Variants in INTS4 observed in about 807,000 individuals in gnomAD.
INTS4 encodes integrator complex subunit 4.
A neutral mutation model predicts 119.5 loss-of-function variants in INTS4; 70 were observed. That is an observed-to-expected ratio of 0.59 (90% CI 0.48 to 0.71). The LOEUF is 0.71. Ranked by LOEUF, INTS4 falls within the 30% of genes least tolerant of loss-of-function variation. The pLI, the probability that INTS4 is intolerant of heterozygous loss-of-function variation, is 0.00. For synonymous variants in INTS4, 316 were observed against 419.6 expected, an observed-to-expected ratio of 0.75 and a Z score of 3.02; for missense variants, 867 against 1,173.2, an observed-to-expected ratio of 0.74 and a Z score of 3.81.
In INTS4 at chr11:77,891,860, C is replaced by T. The variant is rs373469431; in HGVS notation, c.2289-20G>A. The T allele has an allele frequency of 2.8e-5, 45 of 1,610,192 alleles. No homozygotes were observed. The highest frequency in any genetic ancestry group is 3.6e-5 in the Non-Finnish European group (43 of 1,178,604). ...AAATACCTGGAGGAACAAACAGAAG[C>T]AACTGACTCATTCAACTGTGCACTC... is the stretch of plus-strand genomic sequence containing the variant. On this transcript the variant is annotated intron_variant, in intron 19 of 22. Transcript: ENST00000534064.
At chr11:77,978,405 T>C (rs1489109446) in intron 4 of INTS4, 1 of 152,252 alleles carries the variant, frequency 6.6e-6, no homozygotes, top group Admixed American at 6.5e-5. Context: ...TACAGGGTTC[T>C]AGGGGTTGCT....
At chr11:77,913,314 T>G (rs1953129849) in intron 15 of INTS4, among the ~76,000 whole-genome samples, 1 of 147,672 alleles carries the variant, frequency 6.8e-6, no homozygotes, top group Admixed American at 6.7e-5. Flanking sequence ...TAAATTTTTT[T>G]TTTTTTTTTT....
intron 10 of INTS4, among the ~76,000 whole-genome samples, chr11:77,932,012 T>C (rs1055794901): frequency 2.9e-4 from 44 of 152,282 alleles, no homozygotes; most frequent in Admixed American, 2.5e-3. Context: ...GGCAATACCA[T>C]TCAGGACATA....
In INTS4 at chr11:77,890,223, G is replaced by T. The variant is rs146958398; in HGVS notation, c.2592+1096C>A. On this transcript the variant is annotated intron_variant, in intron 21 of 22. Coordinates refer to ENST00000534064, the MANE Select transcript of INTS4 (RefSeq NM_033547.4). ...CTAGCTCAGAACTAGTTCTCTGCAG[G>T]TCTCATAATTTTTAATAATTCCTGC... 8.5e-3 allele frequency among the ~76,000 whole-genome samples: 1,289 copies of T among 152,248 alleles called. 19 individuals carry two copies. Among genetic ancestry groups the T allele is most frequent in the African/African-American group, 0.028 (1,177 of 41,538 alleles).
At chr11:77,983,849 A>C (rs758739322) in intron 2 of INTS4, among the ~76,000 whole-genome samples, 1 of 152,184 alleles carries the variant, frequency 6.6e-6, no homozygotes, top group Non-Finnish European at 1.5e-5. Context: ...TAATAATAGA[A>C]TTACATATGA....
intron 21 of INTS4, among the ~76,000 whole-genome samples, chr11:77,886,438 C>T (rs1214297534): frequency 6.6e-6 from 1 of 151,296 alleles, no homozygotes; most frequent in Non-Finnish European, 1.5e-5. Context: ...ATCGCGAAGG[C>T]CCGCGGCGGG....
chr11:77,922,228 CAAAAAAAA>C lies in INTS4; in HGVS notation c.1630+120_1630+127del, dbSNP rs59175717. Reference sequence around the variant, plus strand: ...GGGTGACAGAATGAGACTCTGTCTTCAAAAAAAAAAAAAAAAAAGAAAGAAAAGCAAAG... The same window carrying C: ...GGGTGACAGAATGAGACTCTGTCTTCAAAAAAAAAAGAAAGAAAAGCAAAG... On this transcript the variant is annotated intron_variant, in intron 13 of 22. Coordinates refer to ENST00000534064, the MANE Select transcript of INTS4 (RefSeq NM_033547.4). The C allele has an allele frequency of 8.6e-6, 9 of 1,041,728 alleles. No homozygotes were observed. The South Asian group carries it at 1.3e-4, about 15-fold the overall frequency. The allele number at this position is 1,041,728 out of a possible 1,614,324, so 64.5% of individuals were successfully genotyped here. A position where few individuals can be genotyped will look rare whatever the true frequency, so the allele number is the denominator to read the frequency against.
In INTS4 at chr11:77,908,835, A is replaced by G. The variant is rs577136211; in HGVS notation, c.1923-1025T>C. Among the ~76,000 whole-genome samples, 9 of 133,016 alleles carry G rather than the reference A, an allele frequency of 6.8e-5. No homozygotes were observed. The South Asian group carries it at 2.0e-3, about 29-fold the overall frequency. 87.3% of individuals were successfully genotyped at this position (133,016 alleles called of 152,430 possible). On this transcript the variant is annotated intron_variant, in intron 15 of 22. Transcript: ENST00000534064. ...AAGTATTTTTTTGTATCAGAAAAAA[A>G]CATTATTTTTTAAAAGGTATTATGG...
intron 4 of INTS4, among the ~76,000 whole-genome samples, chr11:77,961,569 A>G (rs1481621135): frequency 2.0e-5 from 3 of 152,220 alleles, no homozygotes; most frequent in African/African-American, 7.2e-5. Context: ...ATACACATAT[A>G]TAACAAGCAC....
chr11:77,986,910 A>C (rs1856482145), intron 2 of INTS4: 1 of 152,224 alleles, frequency 6.6e-6, no homozygotes, highest in South Asian at 2.1e-4. Flanking sequence ...TGGGTGCAGC[A>C]AGCCAACATG....
At chr11:77,938,550 G>C in intron 10 of INTS4, 101 bp downstream of exon 10, 1 of 1,479,996 alleles carries the variant, frequency 6.8e-7, no homozygotes, top group South Asian at 1.5e-5. Context: ...CAGAGTTACT[G>C]TGAGGACTAA....
At chr11:77,899,072 C>G (rs1469118900) in intron 18 of INTS4, among the ~76,000 whole-genome samples, 1 of 152,012 alleles carries the variant, frequency 6.6e-6, no homozygotes, top group African/African-American at 2.4e-5. Flanking sequence ...AATTCAATAA[C>G]CCTTACAATA....
intron 7 of INTS4, among the ~76,000 whole-genome samples, chr11:77,956,402 C>T (rs987254007): frequency 6.6e-6 from 1 of 152,076 alleles, no homozygotes; most frequent in Non-Finnish European, 1.5e-5. Context: ...CACAGCAAGA[C>T]CCTGTCTTGA....
chr11:77,964,798 T>C (rs1426068691), intron 4 of INTS4, among the ~76,000 whole-genome samples: 1 of 151,882 alleles, frequency 6.6e-6, no homozygotes, highest in Non-Finnish European at 1.5e-5. Context: ...TTTATGGTAA[T>C]AACAAAGTCA....
chr11:77,883,527 AG>A (rs2136359520), intron 22 of INTS4, among the ~76,000 whole-genome samples: 5 of 152,334 alleles, frequency 3.3e-5, no homozygotes, highest in Admixed American at 3.3e-4. Context: ...GGTGGCAGTT[AG>A]GATAAGAATA....
intron 22 of INTS4, among the ~76,000 whole-genome samples, chr11:77,880,031 A>G (rs543833641): frequency 6.6e-6 from 1 of 152,338 alleles, no homozygotes; most frequent in South Asian, 2.1e-4. Context: ...GCAGTTACTC[A>G]TTCTATTAAC....
chr11:77,955,969 C>T lies in INTS4; in HGVS notation c.891G>A (p.Val297=). 2 of 1,611,456 alleles carry T rather than the reference C, an allele frequency of 1.2e-6. No homozygotes were observed. The highest frequency in any genetic ancestry group is 1.7e-6 in the Non-Finnish European group (2 of 1,179,554). The change falls in exon 8 of 23, where the codon GTG becomes GTA. Residue 297 remains valine, a synonymous_variant. Transcript: ENST00000534064. ...ACAGTTTTGCTGCCTGAACACGAACCACCCAAGAGCCATCACTGACCATGT... is the reference window on the plus strand; with the variant it reads ...ACAGTTTTGCTGCCTGAACACGAACTACCCAAGAGCCATCACTGACCATGT... The part of the protein sequence containing the change: ...ICHMVSDGSW[V]VRVQAAKLLG...
chr11:77,915,632 C>G (rs1005554966), intron 15 of INTS4, among the ~76,000 whole-genome samples: 5 of 152,156 alleles, frequency 3.3e-5, no homozygotes, highest in Admixed American at 1.3e-4. Context: ...TCCTCACTCC[C>G]ACCCCTGCAC....
intron 4 of INTS4, among the ~76,000 whole-genome samples, chr11:77,974,238 C>CTTTTTTTTTT (rs60093605): frequency 1.2e-5 from 1 of 84,336 alleles, no homozygotes; most frequent in Non-Finnish European, 2.4e-5. Flanking sequence ...TTTTTCTTTT[C>CTTTTTTTTTT]TTTTTTTTTT....
Sources: gnomAD v4.1 joint callset for allele counts (sites outside exome capture counted in the v4.1 genomes callset) on GRCh38, gnomAD v4.1.1 for gene constraint, MANE v1.5 for transcripts, NCBI Gene and HGNC (gene_info 2026-07-23, HGNC 2026-07-21) for gene names.